The following ARHGAP15 variants were observed in gnomAD, a reference collection of about 807,000 sequenced individuals.
ARHGAP15 encodes Rho GTPase activating protein 15.
In ARHGAP15, 51 loss-of-function variants were observed where a neutral mutation model predicts 63.7. The observed-to-expected ratio is 0.80, with a 90% CI of 0.64 to 1.01. ARHGAP15 has a LOEUF of 1.01. Ranked by LOEUF, ARHGAP15 falls within the 50% of genes least tolerant of loss-of-function variation. The probability of loss-of-function intolerance (pLI) is 0.00; values close to 1 mark genes in which losing one functional copy is unlikely to be tolerated. For synonymous variants in ARHGAP15, 191 were observed against 193.8 expected, an observed-to-expected ratio of 0.99 and a Z score of 0.12; for missense variants, 560 against 564.6, an observed-to-expected ratio of 0.99 and a Z score of 0.08.
At chr2:143,232,856 T>C (rs1693500570) in intron 5 of ARHGAP15, among the ~76,000 whole-genome samples, 1 of 152,222 alleles carries the variant, frequency 6.6e-6, no homozygotes, top group African/African-American at 2.4e-5. Flanking sequence ...CTTCTTTCAC[T>C]AAGTATTTCT....
At position 143,334,432 on chromosome 2, in the gene ARHGAP15, C is replaced by T. The variant is rs1684684414; in HGVS notation, c.474+83832C>T. ...ATCCATTGTTAGATGCCAACTGTTG[C>T]ACACACATATGTGTCCATTTTTTTC... On this transcript the variant is annotated intron_variant, in intron 6 of 13. Transcript: ENST00000295095. Among the ~76,000 whole-genome samples the T allele has an allele frequency of 2.0e-5, 3 of 152,154 alleles. No individual in the cohort carries two copies. The South Asian group carries it at 6.2e-4, about 32-fold the overall frequency.
chr2:143,230,608 T>G lies in ARHGAP15; in HGVS notation c.384+1940T>G, dbSNP rs1010348895. 2.6e-5 allele frequency among the ~76,000 whole-genome samples: 4 copies of G among 152,160 alleles called. No individual in the cohort carries two copies. In the East Asian group the frequency reaches 7.7e-4, roughly 29 times the overall value. On this transcript the variant is annotated intron_variant, in intron 5 of 13. Coordinates refer to ENST00000295095, the MANE Select transcript of ARHGAP15 (RefSeq NM_018460.4). ...CAATTCATGGCAGGAACTAACTGTG[T>G]TTTGTGGTAATGGGTAAGAGAATTA...
intron 12 of ARHGAP15, among the ~76,000 whole-genome samples, chr2:143,673,721 A>T (rs1459713769): frequency 1.5e-5 from 1 of 66,026 alleles, no homozygotes; most frequent in African/African-American, 4.2e-5. Flanking sequence ...AAGGCCTTAT[A>T]TTGTGTGTGT....
At chr2:143,762,179 G>A (rs2105551759) in intron 13 of ARHGAP15, among the ~76,000 whole-genome samples, 1 of 152,222 alleles carries the variant, frequency 6.6e-6, no homozygotes, top group East Asian at 1.9e-4. Context: ...TTTCTTGGGA[G>A]TAAATTAATG....
At chr2:143,288,802 G>A (rs547723893) in intron 6 of ARHGAP15, among the ~76,000 whole-genome samples, 16 of 151,692 alleles carry the variant, frequency 1.1e-4, no homozygotes, top group South Asian at 2.1e-4. Flanking sequence ...CTTTGTTCTC[G>A]GGGGAATACA....
At chr2:143,522,130 C>G (rs1694084338) in intron 10 of ARHGAP15, 2 of 152,150 alleles carry the variant, frequency 1.3e-5, no homozygotes, top group African/African-American at 4.8e-5. Flanking sequence ...AGAAGAAAAT[C>G]TACCAATAAA....
intron 8 of ARHGAP15, among the ~76,000 whole-genome samples, chr2:143,456,909 CAGAT>C (rs1328602371): frequency 6.6e-6 from 1 of 151,574 alleles, no homozygotes; most frequent in Admixed American, 6.6e-5. Context: ...GGCATATTGA[CAGAT>C]GGAAAAAGCA....
intron 6 of ARHGAP15, among the ~76,000 whole-genome samples, chr2:143,371,374 T>C (rs1686542718): frequency 6.6e-6 from 1 of 152,168 alleles, no homozygotes; most frequent in Non-Finnish European, 1.5e-5. Flanking sequence ...GAGTTTTATA[T>C]ATTATTTGGC....
chr2:143,304,285 T>C (rs1035334297), intron 6 of ARHGAP15, among the ~76,000 whole-genome samples: 37 of 152,194 alleles, frequency 2.4e-4, no homozygotes, highest in African/African-American at 8.7e-4. Flanking sequence ...TAAAAAAGGA[T>C]GAGTTCATGT....
intron 2 of ARHGAP15, among the ~76,000 whole-genome samples, chr2:143,168,298 C>CT (rs1463070591): frequency 6.6e-6 from 1 of 152,066 alleles, no homozygotes; most frequent in Non-Finnish European, 1.5e-5. Context: ...CTGTTTCAGC[C>CT]TCCCCAGTAG....
intron 6 of ARHGAP15, among the ~76,000 whole-genome samples, chr2:143,383,875 G>T (rs928341187): frequency 2.6e-5 from 4 of 151,982 alleles, no homozygotes; most frequent in African/African-American, 9.7e-5. Flanking sequence ...AATATTCTAG[G>T]GGCAGGATTT....
chr2:143,424,028 G>A (rs1689041470), intron 6 of ARHGAP15, among the ~76,000 whole-genome samples: 1 of 152,072 alleles, frequency 6.6e-6, no homozygotes, highest in Non-Finnish European at 1.5e-5. Flanking sequence ...TGGCTTTTAA[G>A]TGGCATGTGA....
At chr2:143,153,273 A>C (rs181845651) in intron 1 of ARHGAP15, among the ~76,000 whole-genome samples, 1 of 152,056 alleles carries the variant, frequency 6.6e-6, no homozygotes, top group Admixed American at 6.6e-5. Context: ...TTAGAGTTTG[A>C]ATCTATTGAA....
chr2:143,396,485 G>A (rs1558943242), intron 6 of ARHGAP15, among the ~76,000 whole-genome samples: 2 of 151,986 alleles, frequency 1.3e-5, no homozygotes, highest in African/African-American at 4.8e-5. Context: ...GTGGTCCCCA[G>A]AGACCAACAA....
intron 6 of ARHGAP15, among the ~76,000 whole-genome samples, chr2:143,317,082 G>A (rs569451648): frequency 3.9e-5 from 6 of 151,974 alleles, no homozygotes; most frequent in African/African-American, 1.2e-4. Flanking sequence ...TTTTCCTTTA[G>A]GGTCCTGTGG....
At chr2:143,200,941 G>T (rs540052925) in intron 2 of ARHGAP15, among the ~76,000 whole-genome samples, 2 of 152,094 alleles carry the variant, frequency 1.3e-5, no homozygotes, top group African/African-American at 4.8e-5. Flanking sequence ...AAACATAGAG[G>T]TGTGAAACAA....
At chr2:143,407,621 C>G (rs1688256987) in intron 6 of ARHGAP15, among the ~76,000 whole-genome samples, 1 of 151,602 alleles carries the variant, frequency 6.6e-6, no homozygotes, top group African/African-American at 2.4e-5. Flanking sequence ...GAGAGTAGGA[C>G]TAATGTTTGT....
At position 143,262,535 on chromosome 2, in the gene ARHGAP15, A is replaced by ATTT. The variant is rs67267617; in HGVS notation, c.474+11957_474+11959dup. ...TGTATATGCGGGGTCTGAACCTTTG[A>ATTT]TTTTTTTTTTTTTTTTTTTTTTTTA... On this transcript the variant is annotated intron_variant, in intron 6 of 13. Transcript: ENST00000295095. 6.0e-3 allele frequency among the ~76,000 whole-genome samples: 544 copies of ATTT among 90,912 alleles called. 11 individuals carry two copies. Among genetic ancestry groups the ATTT allele is most frequent in the African/African-American group, 0.024 (507 of 21,330 alleles). The allele number at this position is 90,912 out of a possible 152,430, so 59.6% of individuals were successfully genotyped here.
intron 6 of ARHGAP15, among the ~76,000 whole-genome samples, chr2:143,375,906 T>C (rs1305123195): frequency 6.6e-6 from 1 of 152,228 alleles, no homozygotes; most frequent in Non-Finnish European, 1.5e-5. Context: ...GGAGTGTTTA[T>C]GAGAAGCGCA....
Sources: gnomAD v4.1 joint callset for allele counts (sites outside exome capture counted in the v4.1 genomes callset) on GRCh38, gnomAD v4.1.1 for gene constraint, MANE v1.5 for transcripts, NCBI Gene and HGNC (gene_info 2026-07-23, HGNC 2026-07-21) for gene names.